CLVS1: variants seen among roughly 807,000 people sequenced by gnomAD.
The protein encoded by CLVS1 is clavesin-1.
Under a neutral mutation model 33.1 loss-of-function variants are expected in CLVS1, and 10 were observed. The observed-to-expected ratio is 0.30, with a 90% CI of 0.19 to 0.51. The LOEUF is 0.51. CLVS1 is among the 20% of genes least tolerant of loss of function. CLVS1 has a pLI of 0.97. For missense variants in CLVS1, 343 were observed against 433.4 expected (o/e 0.79, Z 1.85); for synonymous variants, 163 against 166.1 (o/e 0.98, Z 0.14).
intron 2 of CLVS1, among the ~76,000 whole-genome samples, chr8:61,200,283 A>G (rs1294653298): frequency 2.7e-5 from 4 of 149,692 alleles, no homozygotes; most frequent in Non-Finnish European, 5.9e-5. Context: ...CATGCCGGCT[A>G]ATTTTTTTTG....
chr8:61,406,886 G>A (rs1344372446), intron 3 of CLVS1, among the ~76,000 whole-genome samples: 1 of 152,154 alleles, frequency 6.6e-6, no homozygotes, highest in African/African-American at 2.4e-5. Flanking sequence ...TGGGATTACA[G>A]GTGCGAGCTG....
At chr8:61,025,338 T>C in the CLVS1 span, among the ~76,000 whole-genome samples, 1 of 152,362 alleles carries the variant, frequency 6.6e-6, no homozygotes, top group South Asian at 2.1e-4. Context: ...TGTGTTAGGT[T>C]ACAAATCTCT....
chr8:61,298,115 T>C (rs1208024287), intron 1 of CLVS1, among the ~76,000 whole-genome samples: 1 of 152,158 alleles, frequency 6.6e-6, no homozygotes, highest in Non-Finnish European at 1.5e-5. Flanking sequence ...CACAGATAGA[T>C]TGCAATGAGT....
At chr8:61,384,147 A>G (rs924824241) in intron 3 of CLVS1, among the ~76,000 whole-genome samples, 10 of 152,214 alleles carry the variant, frequency 6.6e-5, no homozygotes, top group African/African-American at 2.4e-4. Flanking sequence ...GAATACAGAC[A>G]AAGACAGAGA....
At chr8:61,333,785 G>A (rs62524888) in intron 2 of CLVS1, among the ~76,000 whole-genome samples, 64,607 of 152,020 alleles carry the variant, frequency 0.42, 14,933 homozygotes, top group East Asian at 0.64. Context: ...GGGGTGTCAG[G>A]TTATTTCATC....
intron 2 of CLVS1, among the ~76,000 whole-genome samples, chr8:61,267,982 C>G (rs543544996): frequency 7.9e-5 from 12 of 151,850 alleles, no homozygotes; most frequent in Non-Finnish European, 1.6e-4. Context: ...ATTCATGGGC[C>G]CTGCTGGATA....
rs539188865 is a variant in CLVS1 at position 61,059,797 on chromosome 8, C to T, written c.-243+2567C>T. On this transcript the variant is annotated intron_variant, in intron 1 of 2. Coordinates refer to the CLVS1 transcript ENST00000522621. ...AGGCACTCCAGCCAGGGCAACAGAG[C>T]GGAACTCCATCTCAAAAAAAAAAAA... Among the ~76,000 whole-genome samples, 9 of 150,080 alleles carry T rather than the reference C, an allele frequency of 6.0e-5. No homozygotes were observed. The South Asian group carries it at 8.9e-4, about 15-fold the overall frequency.
chr8:61,461,015 C>T (rs1817347792), intron 5 of CLVS1, among the ~76,000 whole-genome samples: 2 of 152,170 alleles, frequency 1.3e-5, no homozygotes, highest in South Asian at 4.1e-4. Context: ...GGAAAGTTTG[C>T]TCAACTTTAA....
chr8:61,154,034 A>G (rs1035106769), intron 2 of CLVS1, among the ~76,000 whole-genome samples: 12 of 152,054 alleles, frequency 7.9e-5, no homozygotes, highest in African/African-American at 2.9e-4. Flanking sequence ...TAAATCAGAC[A>G]CCACTTTCTT....
intron 2 of CLVS1, among the ~76,000 whole-genome samples, chr8:61,217,339 T>C (rs1171464293): frequency 6.6e-6 from 1 of 152,176 alleles, no homozygotes; most frequent in Non-Finnish European, 1.5e-5. Context: ...TGACTTTTTA[T>C]TTAACAGACT....
chr8:61,473,066 C>T (rs185532914), intron 5 of CLVS1, among the ~76,000 whole-genome samples: 2 of 152,084 alleles, frequency 1.3e-5, no homozygotes, highest in Admixed American at 6.5e-5. Flanking sequence ...AGGTGTGTAA[C>T]GAGGAGGATC....
rs573283035 is a variant in CLVS1 at position 61,167,837 on chromosome 8, C to T, written c.-152+35977C>T. Among the ~76,000 whole-genome samples the T allele has an allele frequency of 1.1e-3, 164 of 152,276 alleles. No homozygotes were observed. The South Asian group carries it at 0.033, about 30-fold the overall frequency. On this transcript the variant is annotated intron_variant, in intron 2 of 2. Transcript: ENST00000522621. ...GTCCTCACTGCTACACTCCCACCAG[C>T]GCCTAGACAGTTTACAAATGCCATG...
At chr8:61,204,989 A>G (rs1807810251) in intron 2 of CLVS1, among the ~76,000 whole-genome samples, 2 of 152,238 alleles carry the variant, frequency 1.3e-5, no homozygotes, top group African/African-American at 2.4e-5. Flanking sequence ...TACAAAAGAA[A>G]TTTTAGAGAT....
At chr8:61,391,672 T>A (rs114338929) in intron 3 of CLVS1, among the ~76,000 whole-genome samples, 3,356 of 152,286 alleles carry the variant, frequency 0.022, 107 homozygotes, top group African/African-American at 0.076. Flanking sequence ...AGAGGAGTAA[T>A]CCTTAATGCC....
chr8:61,065,508 C>A (rs1048987751), intron 1 of CLVS1, among the ~76,000 whole-genome samples: 2 of 152,106 alleles, frequency 1.3e-5, no homozygotes, highest in African/African-American at 2.4e-5. Flanking sequence ...GAGTCAGGAG[C>A]AGTAGGGGTT....
At chr8:61,097,334 T>G (rs1805371368) in intron 1 of CLVS1, among the ~76,000 whole-genome samples, 1 of 151,802 alleles carries the variant, frequency 6.6e-6, no homozygotes, top group Admixed American at 6.6e-5. Flanking sequence ...AATTAAAAAA[T>G]AAACAAATAA....
At chr8:61,420,740 G>A (rs1010625389) in intron 3 of CLVS1, among the ~76,000 whole-genome samples, 2 of 152,054 alleles carry the variant, frequency 1.3e-5, no homozygotes, top group South Asian at 2.1e-4. Context: ...AGGCTGAGGC[G>A]GGCGGATCAC....
chr8:61,351,126 C>A (rs1812439030), intron 2 of CLVS1, among the ~76,000 whole-genome samples: 1 of 151,974 alleles, frequency 6.6e-6, no homozygotes, highest in South Asian at 2.1e-4. Flanking sequence ...GTAGGAGCAT[C>A]CCAGGATGTT....
intron 2 of CLVS1, among the ~76,000 whole-genome samples, chr8:61,365,417 C>T (rs1323832856): frequency 1.3e-5 from 2 of 151,982 alleles, no homozygotes; most frequent in Non-Finnish European, 2.9e-5. Context: ...ATCCCGGCTA[C>T]TCGGGAGGCT....
Sources: gnomAD v4.1 joint callset for allele counts (sites outside exome capture counted in the v4.1 genomes callset) on GRCh38, gnomAD v4.1.1 for gene constraint, MANE v1.5 for transcripts, NCBI Gene and HGNC (gene_info 2026-07-23, HGNC 2026-07-21) for gene names.